GBP1: variants seen among roughly 807,000 people sequenced by gnomAD.
GBP1 encodes guanylate-binding protein 1.
Under a neutral mutation model 69.5 loss-of-function variants are expected in GBP1, and 64 were observed. The ratio of observed to expected loss-of-function variants is 0.92; its 90% CI spans 0.75 to 1.13. The LOEUF is 1.13. Ranked by LOEUF, GBP1 falls within the 50% of genes most tolerant of loss-of-function variation. The pLI, the probability that GBP1 is intolerant of heterozygous loss-of-function variation, is 0.00. For missense variants in GBP1, 630 were observed against 704.1 expected (o/e 0.89, Z 1.19); for synonymous variants, 250 against 261.2 (o/e 0.96, Z 0.41).
chr1:89,053,915 T>G (rs1355139556), intron 10 of GBP1, among the ~76,000 whole-genome samples: 1 of 152,194 alleles, frequency 6.6e-6, no homozygotes. Flanking sequence ...CTCATAAAGG[T>G]TTCTTAAATC....
intron 5 of GBP1, 33 bp from the exon 6 acceptor site, chr1:89,058,267 C>G: frequency 6.5e-7 from 1 of 1,538,168 alleles, no homozygotes; most frequent in South Asian, 1.3e-5. Flanking sequence ...ATAAAATTGC[C>G]TAATATAAGT....
At chr1:89,060,001 T>A (rs1405307688) in intron 3 of GBP1, among the ~76,000 whole-genome samples, 196 bp downstream of exon 3, 3 of 152,246 alleles carry the variant, frequency 2.0e-5, no homozygotes, top group Admixed American at 6.5e-5. Context: ...GTCACATGGC[T>A]TTAGCACCCA....
At chr1:89,058,582 AC>A in intron 5 of GBP1, 1 of 563,564 alleles carries the variant, frequency 1.8e-6, no homozygotes, top group East Asian at 3.1e-5. Context: ...AAGATCACAA[AC>A]CCTAGGCAGG....
chr1:89,063,306 A>C, intron 1 of GBP1, 53 bp from the exon 2 acceptor site: 1 of 1,526,090 alleles, frequency 6.6e-7, no homozygotes, highest in Non-Finnish European at 8.9e-7. Context: ...TGCAATTATA[A>C]GGGAGAATCA....
rs1476897766 is a variant in GBP1, at chr1:89,064,839, T to C, written c.-20+321A>G. 2.6e-5 allele frequency among the ~76,000 whole-genome samples: 4 copies of C among 152,202 alleles called. No homozygotes were observed. The South Asian group carries it at 8.3e-4, about 31-fold the overall frequency. On this transcript the variant is annotated intron_variant, in intron 1 of 10. Coordinates refer to ENST00000370473, the MANE Select transcript of GBP1 (RefSeq NM_002053.3). ...TCATATCCCTAGTCAACATAGATAA[T>C]GTCAACAAAGAGAAAGACTATCCTA...
At chr1:89,060,546 AAGAC>A (rs1205742625) in intron 2 of GBP1, among the ~76,000 whole-genome samples, 1 of 152,206 alleles carries the variant, frequency 6.6e-6, no homozygotes, top group Non-Finnish European at 1.5e-5. Flanking sequence ...TAGAAATAGA[AAGAC>A]AGCACCTCAA....
chr1:89,063,216 T>G lies in GBP1; in HGVS notation c.19A>C (p.Met7Leu). The change falls in exon 2 of 11, where the codon ATG (methionine) becomes CTG (leucine). Residue 7 changes from methionine (M) to leucine (L), a missense_variant. Met to Leu is a conservative substitution (Grantham distance 15, BLOSUM62 2). Transcript: ENST00000370473. ...TCAATGAGGCACATTGGGCCTGTCA[T>G]GTGGATCTCTGATGCCATGTCCAGG... is the stretch of plus-strand genomic sequence containing the variant. MASEIH[M>L]TGPMCLIENT... 1.2e-6 allele frequency: 2 copies of G among 1,614,036 alleles called. No homozygotes were observed. The highest frequency in any genetic ancestry group is 1.7e-6 in the Non-Finnish European group (2 of 1,179,930).
In GBP1 at chr1:89,061,789, T is replaced by C. The variant is rs1186380143; in HGVS notation, c.190+1256A>G. Among the ~76,000 whole-genome samples the C allele has an allele frequency of 4.0e-5, 6 of 151,872 alleles. No individual in the cohort carries two copies. In the East Asian group the frequency reaches 5.8e-4, roughly 15 times the overall value. ...ATAAGGGATTGATATCTAGAAAATA[T>C]AAAAAAATTTACAAAGCAACAGAAA... On this transcript the variant is annotated intron_variant, in intron 2 of 10. Transcript: ENST00000370473.
intron 4 of GBP1, 39 bp from the exon 5 acceptor site, chr1:89,059,082 G>A (rs746946900): frequency 8.1e-6 from 13 of 1,612,820 alleles, no homozygotes; most frequent in Non-Finnish European, 1.1e-5. Context: ...AAATGAACAG[G>A]GACCTCATCC....
intron 2 of GBP1, among the ~76,000 whole-genome samples, chr1:89,060,812 C>T (rs1168081387): frequency 6.6e-6 from 1 of 152,240 alleles, no homozygotes; most frequent in African/African-American, 2.4e-5. Flanking sequence ...AAAACATTAA[C>T]TATCCCACAA....
At position 89,056,006 on chromosome 1, in the gene GBP1, T is replaced by C. The variant is rs1377856271; in HGVS notation, c.1368+10A>G. On this transcript the variant is annotated intron_variant, in intron 8 of 10. Transcript: ENST00000370473. Reference sequence around the variant, plus strand: ...CAGCTTTCCATAATTGACAGATAAATCTTGGTTACCTGTATCCCCTTCCTC... The same window carrying C: ...CAGCTTTCCATAATTGACAGATAAACCTTGGTTACCTGTATCCCCTTCCTC... 3.1e-6 allele frequency: 5 copies of C among 1,613,748 alleles called. No individual in the cohort carries two copies. The highest frequency in any genetic ancestry group is 3.3e-5 in the Admixed American group (2 of 59,982).
intron 2 of GBP1, among the ~76,000 whole-genome samples, chr1:89,061,895 G>A (rs1359473281): frequency 4.0e-5 from 6 of 151,768 alleles, no homozygotes; most frequent in Non-Finnish European, 5.9e-5. Flanking sequence ...CAATAAGCAC[G>A]TGAAAAGATG....
At chr1:89,064,071 A>G (rs1570285067) in intron 1 of GBP1, among the ~76,000 whole-genome samples, 2 of 152,300 alleles carry the variant, frequency 1.3e-5, no homozygotes, top group Non-Finnish European at 2.9e-5. Context: ...TTGTTCAAAT[A>G]AAATATATTT....
At chr1:89,057,762 G>A (rs1049633312) in intron 6 of GBP1, among the ~76,000 whole-genome samples, 17 of 152,220 alleles carry the variant, frequency 1.1e-4, no homozygotes, top group Admixed American at 6.5e-5. Flanking sequence ...CTATTGCATA[G>A]TGCAGGTCCA....
chr1:89,064,216 T>TGC (rs1557752205), intron 1 of GBP1, among the ~76,000 whole-genome samples: 999 of 58,682 alleles, frequency 0.017, 32 homozygotes, highest in East Asian at 0.13. Context: ...TGTGTGTGTG[T>TGC]GTGTGTGTGT....
chr1:89,052,890 A>G lies in GBP1; in HGVS notation c.*465T>C, dbSNP rs1181436195. 6.5e-6 allele frequency: 1 copy of G among 152,872 alleles called. No individual in the cohort carries two copies. The highest frequency in any genetic ancestry group is 1.5e-5 in the Non-Finnish European group (1 of 68,568). 9.5% of individuals were successfully genotyped at this position (152,872 alleles called of 1,614,324 possible). The stretch of plus-strand genomic sequence containing the variant: ...TCATCAGTGAGGATTATACATGGGC[A>G]ATGTCCAGAAATCACATTATTGCTC... On this transcript the variant is annotated 3_prime_UTR_variant, in exon 11 of 11. Coordinates refer to ENST00000370473, the MANE Select transcript of GBP1 (RefSeq NM_002053.3).
In GBP1 at chr1:89,057,994, G is replaced by A. The variant is rs571054459; in HGVS notation, c.872C>T (p.Pro291Leu). ...GAAGTACTAGGAAGGGGACTTACGA[G>A]GCCCGTTGACCTGGATGCCTCCTGA... ...TLSGGIQVNGPRLESLVLTYV... is the reference protein window; with the variant it reads ...TLSGGIQVNGLRLESLVLTYV... Residue 291 changes from proline (P) to leucine (L), a missense_variant and splice_region_variant, in exon 6 of 11, where the codon CCT becomes CTT. Physicochemically the swap from Pro to Leu is moderately conservative, Grantham distance 98 (BLOSUM62 -3). Around this residue, in one of 5 missense-constraint regions of GBP1, gnomAD observed 367 missense variants for 369.5 expected, o/e 0.99. Transcript: ENST00000370473. 6.8e-6 allele frequency: 11 copies of A among 1,610,220 alleles called. No individual in the cohort carries two copies. In the South Asian group the frequency reaches 1.1e-4, roughly 16 times the overall value.
At chr1:89,061,018 AC>A (rs1181009443) in intron 2 of GBP1, among the ~76,000 whole-genome samples, 1 of 152,102 alleles carries the variant, frequency 6.6e-6, no homozygotes, top group East Asian at 1.9e-4. Flanking sequence ...AACTTCAAAC[AC>A]CCTTTAAAGA....
chr1:89,057,861 A>T, intron 6 of GBP1, 131 bp downstream of exon 6: 2 of 1,043,970 alleles, frequency 1.9e-6, no homozygotes, highest in East Asian at 2.4e-5. Flanking sequence ...TGTTAGAAAC[A>T]TTGGTGCCAT....
Sources: allele counts gnomAD v4.1 joint callset (sites outside exome capture counted in the v4.1 genomes callset), GRCh38; gene constraint gnomAD v4.1.1; regional missense constraint gnomAD v4.1.1; transcripts MANE v1.5; gene names NCBI Gene and HGNC (gene_info 2026-07-23, HGNC 2026-07-21).